UST: variants seen among roughly 807,000 people sequenced by gnomAD.
The protein encoded by UST is chondroitin sulfate 2-O-sulfotransferase.
Under a neutral mutation model 45.6 loss-of-function variants are expected in UST, and 21 were observed. The observed-to-expected ratio is 0.46, with a 90% CI of 0.33 to 0.66. The LOEUF is 0.66. UST is among the 30% of genes least tolerant of loss of function. The pLI is 0.02. For synonymous variants in UST, 215 were observed against 200.6 expected, an observed-to-expected ratio of 1.07 and a Z score of -0.61; for missense variants, 463 against 512.4, an observed-to-expected ratio of 0.90 and a Z score of 0.93.
chr6:149,034,187 T>C (rs1776195448), intron 7 of UST, among the ~76,000 whole-genome samples: 1 of 152,212 alleles, frequency 6.6e-6, no homozygotes, highest in African/African-American at 2.4e-5. Flanking sequence ...CATGATTTTG[T>C]TTCATTTCTT....
chr6:149,012,892 T>C (rs1456390189), intron 5 of UST, among the ~76,000 whole-genome samples: 1 of 151,740 alleles, frequency 6.6e-6, no homozygotes, highest in Non-Finnish European at 1.5e-5. Context: ...ATGCTGAAGG[T>C]ATAATAAAGA....
intron 7 of UST, among the ~76,000 whole-genome samples, chr6:149,048,270 T>C (rs1173197631): frequency 6.6e-6 from 1 of 152,084 alleles, no homozygotes; most frequent in Admixed American, 6.6e-5. Flanking sequence ...AGGGCTGGCA[T>C]GGTGGCTCAT....
chr6:148,817,543 G>C (rs1037440751), intron 1 of UST, among the ~76,000 whole-genome samples: 1 of 152,162 alleles, frequency 6.6e-6, no homozygotes, highest in Non-Finnish European at 1.5e-5. Context: ...AGAAAGTCAG[G>C]ACAACTGGAA....
rs188610569 is a variant in UST at position 149,008,817 on chromosome 6, T to C, written c.682-10322T>C. Among the ~76,000 whole-genome samples, 4 of 152,280 alleles carry C rather than the reference T, an allele frequency of 2.6e-5. No individual in the cohort carries two copies. The East Asian group carries it at 7.7e-4, about 29-fold the overall frequency. On this transcript the variant is annotated intron_variant, in intron 5 of 7. Transcript: ENST00000367463. ...GAAAAATTGATTCATTCCCAAAGTATTTGAATGTTTCCTGAGAAAAGACCT... is the reference window on the plus strand; with the variant it reads ...GAAAAATTGATTCATTCCCAAAGTACTTGAATGTTTCCTGAGAAAAGACCT...
chr6:148,879,390 G>A (rs73778934), intron 1 of UST, among the ~76,000 whole-genome samples: 3 of 152,134 alleles, frequency 2.0e-5, no homozygotes, highest in Non-Finnish European at 4.4e-5. Flanking sequence ...TTTACTTCTG[G>A]AAAGTGGGAT....
chr6:148,784,358 G>A (rs765384623), intron 1 of UST, among the ~76,000 whole-genome samples: 3 of 152,076 alleles, frequency 2.0e-5, no homozygotes, highest in African/African-American at 7.2e-5. Context: ...TTATGTAATC[G>A]GAATTATTGA....
intron 1 of UST, among the ~76,000 whole-genome samples, chr6:148,835,423 A>G (rs1213411111): frequency 6.6e-6 from 1 of 152,194 alleles, no homozygotes; most frequent in Non-Finnish European, 1.5e-5. Context: ...TCCAGTTGGG[A>G]GAAAGGCAGT....
intron 2 of UST, among the ~76,000 whole-genome samples, chr6:148,889,324 G>A (rs904616680): frequency 9.9e-5 from 15 of 152,236 alleles, no homozygotes; most frequent in African/African-American, 3.4e-4. Flanking sequence ...CCTAGAGAGA[G>A]TGATATGGCT....
chr6:148,820,911 A>G (rs558887257), intron 1 of UST, among the ~76,000 whole-genome samples: 96 of 150,908 alleles, frequency 6.4e-4, no homozygotes, highest in South Asian at 1.9e-3. Context: ...TAGATCTACA[A>G]TCTGATCCAG....
chr6:148,772,591 ATTT>A (rs900499185), intron 1 of UST, among the ~76,000 whole-genome samples: 2 of 151,850 alleles, frequency 1.3e-5, no homozygotes, highest in Admixed American at 1.3e-4. Context: ...CCCGGCTAAT[ATTT>A]GGCATTTTTA....
chr6:148,887,175 A>C (rs892014296), intron 2 of UST, 146 bp downstream of exon 2: 1 of 677,738 alleles, frequency 1.5e-6, no homozygotes, highest in Admixed American at 2.9e-5. Context: ...ACTTCTAACA[A>C]GGAGGAAGCA....
intron 1 of UST, among the ~76,000 whole-genome samples, chr6:148,885,141 G>A (rs1211006774): frequency 2.0e-5 from 3 of 152,130 alleles, no homozygotes; most frequent in African/African-American, 4.8e-5. Flanking sequence ...TCTTTTTTAG[G>A]AGTTTTTAGG....
At chr6:148,827,131 CA>C (rs1777584209) in intron 1 of UST, among the ~76,000 whole-genome samples, 1 of 152,172 alleles carries the variant, frequency 6.6e-6, no homozygotes, top group Non-Finnish European at 1.5e-5. Context: ...TTCTATAGTG[CA>C]TGTGGTTTAT....
chr6:149,061,181 A>T, intron 7 of UST, among the ~76,000 whole-genome samples: 1 of 152,144 alleles, frequency 6.6e-6, no homozygotes, highest in Non-Finnish European at 1.5e-5. Context: ...AGCTGGGTTT[A>T]TACAGTATTT....
chr6:148,904,143 C>T (rs1048966909), intron 2 of UST, among the ~76,000 whole-genome samples: 58 of 152,170 alleles, frequency 3.8e-4, no homozygotes, highest in African/African-American at 1.4e-3. Context: ...TCACCAAGGC[C>T]TTGAACACAA....
At chr6:148,837,507 C>T (rs1435158063) in intron 1 of UST, among the ~76,000 whole-genome samples, 1 of 152,184 alleles carries the variant, frequency 6.6e-6, no homozygotes, top group African/African-American at 2.4e-5. Context: ...CTTGGAATCC[C>T]AAGGGGTGGG....
rs531007096 is a variant in UST, at chr6:149,029,465, TTA to T, written c.937+7993_937+7994del. Among the ~76,000 whole-genome samples the T allele has an allele frequency of 6.1e-3, 885 of 145,138 alleles. 18 individuals are homozygous for T. Among genetic ancestry groups the T allele is most frequent in the African/African-American group, 0.02 (800 of 39,828 alleles). Reference sequence around the variant, plus strand: ...TATTATATTATATATACATTATATATTATATATATAATGTATATATAATATAT... The same window carrying T: ...TATTATATTATATATACATTATATATTATATATAATGTATATATAATATAT... On this transcript the variant is annotated intron_variant, in intron 7 of 7. Coordinates refer to ENST00000367463, the MANE Select transcript of UST (RefSeq NM_005715.3).
At chr6:148,822,031 T>G (rs564642875) in intron 1 of UST, among the ~76,000 whole-genome samples, 2 of 152,348 alleles carry the variant, frequency 1.3e-5, no homozygotes, top group East Asian at 3.9e-4. Context: ...ACCTTTTATG[T>G]TCCCTGCACT....
intron 7 of UST, among the ~76,000 whole-genome samples, chr6:149,032,790 AC>A (rs1329279897): frequency 2.0e-5 from 3 of 152,156 alleles, no homozygotes; most frequent in Admixed American, 2.0e-4. Context: ...TGGGGGTTGT[AC>A]AGTTTTCTGT....
Sources: gnomAD v4.1 joint callset for allele counts (sites outside exome capture counted in the v4.1 genomes callset) on GRCh38, gnomAD v4.1.1 for gene constraint, MANE v1.5 for transcripts, NCBI Gene and HGNC (gene_info 2026-07-23, HGNC 2026-07-21) for gene names.